Variants in SAXO1 observed in about 807,000 individuals in gnomAD.
The protein encoded by SAXO1 is 4930500O09Rik.
SAXO1 carries 21 observed loss-of-function variants against 17.5 expected under a neutral mutation model. The observed-to-expected ratio is 1.20, with a 90% CI of 0.85 to 1.72. The LOEUF (loss-of-function observed/expected upper bound fraction) is 1.72. SAXO1 is among the 40% of genes most tolerant of loss of function. The pLI is 0.00. For missense variants in SAXO1, 843 were observed against 596.0 expected (o/e 1.41, Z -4.32); for synonymous variants, 274 against 216.5 (o/e 1.27, Z -2.33).
At chr9:19,012,327 A>C (rs62560430) in intron 1 of SAXO1, among the ~76,000 whole-genome samples, 21 of 152,170 alleles carry the variant, frequency 1.4e-4, no homozygotes, top group African/African-American at 4.6e-4. Context: ...AAACCTCTGC[A>C]ATCTCTTTAG....
chr9:19,002,503 C>T (rs189681531), intron 1 of SAXO1, among the ~76,000 whole-genome samples: 221 of 152,358 alleles, frequency 1.5e-3, no homozygotes, highest in Non-Finnish European at 2.6e-3. Flanking sequence ...CAATAAAATA[C>T]TGGCAAACCA....
At chr9:19,020,883 T>C (rs941594916) in intron 1 of SAXO1, among the ~76,000 whole-genome samples, 1 of 152,236 alleles carries the variant, frequency 6.6e-6, no homozygotes, top group African/African-American at 2.4e-5. Context: ...AAGCCATCTG[T>C]TGAAACTCTT....
At chr9:18,942,288 C>T (rs1031865029) in intron 2 of SAXO1, among the ~76,000 whole-genome samples, 1 of 152,198 alleles carries the variant, frequency 6.6e-6, no homozygotes, top group African/African-American at 2.4e-5. Context: ...TAAAATTCAA[C>T]TTCCTGGCAT....
rs1830853694 is a variant in SAXO1 at position 18,928,244 on chromosome 9, G to C, written c.1233C>G (p.Ser411Arg). Reference sequence around the variant, plus strand: ...ACCTGCCCATTTCCTTGGGAGTAAAGCTGATGGTGTAGGTGGTCTGGCTTT... The same window carrying C: ...ACCTGCCCATTTCCTTGGGAGTAAACCTGATGGTGTAGGTGGTCTGGCTTT... ...PVESQTTYTI[S>R]FTPKEMGRCL... The change falls in exon 4 of 4, where the codon AGC becomes AGG. Residue 411 changes from serine to arginine, a missense_variant. By Grantham distance (110) the Ser-to-Arg change is moderately radical. Coordinates refer to ENST00000380534, the MANE Select transcript of SAXO1 (RefSeq NM_153707.4). 6.2e-7 allele frequency: 1 copy of C among 1,614,030 alleles called. No homozygotes were observed. Among genetic ancestry groups the C allele is most frequent in the African/African-American group, 1.3e-5 (1 of 75,034 alleles).
chr9:18,941,868 G>C (rs772816115), intron 2 of SAXO1, 29 bp from the exon 3 acceptor site: 6 of 1,608,718 alleles, frequency 3.7e-6, no homozygotes, highest in Non-Finnish European at 4.3e-6. Context: ...ATGCTGTTGG[G>C]GTCCTTGGCT....
chr9:18,955,444 T>C (rs1010474265), intron 1 of SAXO1, among the ~76,000 whole-genome samples: 2 of 152,210 alleles, frequency 1.3e-5, no homozygotes, highest in African/African-American at 4.8e-5. Flanking sequence ...GTGGCTTCCC[T>C]ATTGGAAAGT....
intron 1 of SAXO1, among the ~76,000 whole-genome samples, chr9:19,016,272 C>A (rs1554681149): frequency 6.6e-6 from 1 of 152,088 alleles, no homozygotes; most frequent in Non-Finnish European, 1.5e-5. Context: ...CCTGTCTCTA[C>A]TAAAAGTACA....
intron 3 of SAXO1, among the ~76,000 whole-genome samples, chr9:18,938,821 CGTGTGTGT>C (rs67090530): frequency 2.9e-4 from 23 of 78,586 alleles, no homozygotes; most frequent in Middle Eastern, 7.5e-3. Context: ...TGCGTGCGTG[CGTGTGTGT>C]GTGTGTGTGT....
chr9:18,990,984 A>C (rs1833789717), intron 1 of SAXO1, among the ~76,000 whole-genome samples: 1 of 152,214 alleles, frequency 6.6e-6, no homozygotes, highest in African/African-American at 2.4e-5. Context: ...AAGGCGGGGC[A>C]TGGTGACTCA....
rs112998223 is a variant in SAXO1 at position 18,963,593 on chromosome 9, T to C, written c.39-12656A>G. 2.9e-3 allele frequency among the ~76,000 whole-genome samples: 448 copies of C among 152,334 alleles called. 3 individuals carry two copies. The highest frequency in any genetic ancestry group is 0.017 in the Middle Eastern group (5 of 294). On this transcript the variant is annotated intron_variant, in intron 1 of 3. Transcript: ENST00000380534. ...AATGGAAGTTCACTCATGATTTAGC[T>C]CTCTAATATTAGTGTATAGAAATGC...
chr9:18,954,250 T>G (rs1588433714), intron 1 of SAXO1, among the ~76,000 whole-genome samples: 1 of 152,110 alleles, frequency 6.6e-6, no homozygotes, highest in Non-Finnish European at 1.5e-5. Flanking sequence ...TTATGATGGA[T>G]CTCAGAAATA....
chr9:18,951,329 T>C (rs1421704328), intron 1 of SAXO1, among the ~76,000 whole-genome samples: 1 of 152,184 alleles, frequency 6.6e-6, no homozygotes, highest in Non-Finnish European at 1.5e-5. Flanking sequence ...GGCTTACTAC[T>C]GACCTAACAG....
chr9:19,038,259 A>G (rs900572645), intron 1 of SAXO1, among the ~76,000 whole-genome samples: 1 of 152,144 alleles, frequency 6.6e-6, no homozygotes, highest in Non-Finnish European at 1.5e-5. Flanking sequence ...ATTACTGGGT[A>G]TATACCCAAA....
chr9:19,045,267 G>A (rs1310453254), intron 1 of SAXO1, among the ~76,000 whole-genome samples: 3 of 137,480 alleles, frequency 2.2e-5, no homozygotes, highest in South Asian at 2.3e-4. Flanking sequence ...CCGAGATTGC[G>A]CCACTGCAGT....
chr9:18,957,436 G>C (rs971437508), intron 1 of SAXO1, among the ~76,000 whole-genome samples: 9 of 152,020 alleles, frequency 5.9e-5, no homozygotes, highest in Non-Finnish European at 1.3e-4. Flanking sequence ...TTCACGCCAG[G>C]GCCCAATCAC....
intron 1 of SAXO1, chr9:19,027,086 T>C (rs879240494): frequency 2.4e-5 from 21 of 884,292 alleles, no homozygotes; most frequent in African/African-American, 4.9e-5. Context: ...AGAAAATCAA[T>C]GTGAACAAAA....
chr9:19,030,632 G>T (rs947638775), intron 1 of SAXO1, among the ~76,000 whole-genome samples: 3 of 152,080 alleles, frequency 2.0e-5, no homozygotes, highest in South Asian at 2.1e-4. Flanking sequence ...TTTGAACCCA[G>T]CAGGCGGAGG....
chr9:18,960,288 C>T (rs1244893578), intron 1 of SAXO1, among the ~76,000 whole-genome samples: 2 of 152,122 alleles, frequency 1.3e-5, no homozygotes, highest in Non-Finnish European at 2.9e-5. Context: ...AGAAACATGT[C>T]CACAACTCTT....
At chr9:19,010,708 C>G (rs1316033609) in intron 1 of SAXO1, among the ~76,000 whole-genome samples, 2 of 152,144 alleles carry the variant, frequency 1.3e-5, no homozygotes, top group Non-Finnish European at 2.9e-5. Context: ...AAGACAATTA[C>G]AGGCAGGTAA....
Sources: gnomAD v4.1 joint callset for allele counts (sites outside exome capture counted in the v4.1 genomes callset) on GRCh38, gnomAD v4.1.1 for gene constraint, MANE v1.5 for transcripts, NCBI Gene and HGNC (gene_info 2026-07-23, HGNC 2026-07-21) for gene names.